BANK1: variants seen among roughly 807,000 people sequenced by gnomAD.
BANK1 encodes B-cell scaffold protein with ankyrin repeats.
In BANK1, 95 loss-of-function variants were observed where a neutral mutation model predicts 94.5. That is an observed-to-expected ratio of 1.00 (90% CI 0.85 to 1.19). BANK1 has a LOEUF of 1.19. Among genes scored for constraint, BANK1 ranks in the 50% most tolerant of loss-of-function variants. The pLI is 0.00. For synonymous variants in BANK1, 334 were observed against 308.4 expected, an observed-to-expected ratio of 1.08 and a Z score of -0.87; for missense variants, 987 against 932.2, an observed-to-expected ratio of 1.06 and a Z score of -0.77.
intron 7 of BANK1, among the ~76,000 whole-genome samples, chr4:102,019,066 G>T (rs1726809333): frequency 6.6e-6 from 1 of 151,886 alleles, no homozygotes; most frequent in Non-Finnish European, 1.5e-5. Flanking sequence ...AATCCACCAT[G>T]CCTGGCCTGC....
intron 9 of BANK1, among the ~76,000 whole-genome samples, chr4:102,026,604 G>A (rs932533461): frequency 1.3e-5 from 2 of 152,020 alleles, no homozygotes; most frequent in South Asian, 2.1e-4. Flanking sequence ...CGAGGCAGGC[G>A]ATTCACCTGA....
chr4:101,835,462 ACTT>A (rs1351637176), intron 2 of BANK1, among the ~76,000 whole-genome samples: 4 of 152,140 alleles, frequency 2.6e-5, no homozygotes, highest in Non-Finnish European at 5.9e-5. Flanking sequence ...AACAGGAAAA[ACTT>A]CTCTTTCTTG....
At chr4:101,877,035 G>C (rs11736568) in intron 5 of BANK1, among the ~76,000 whole-genome samples, 1 of 151,456 alleles carries the variant, frequency 6.6e-6, no homozygotes, top group Non-Finnish European at 1.5e-5. Context: ...GAAACCATCA[G>C]GCACACTTAT....
At chr4:101,825,209 A>G (rs1403037997) in intron 1 of BANK1, among the ~76,000 whole-genome samples, 4 of 152,134 alleles carry the variant, frequency 2.6e-5, no homozygotes, top group Non-Finnish European at 5.9e-5. Context: ...GAAATTTTAT[A>G]TTTCTGTGCT....
In BANK1 at chr4:101,996,039, G is replaced by A. The variant is rs117371094; in HGVS notation, c.1207-25475G>A. ...CTTTGCCCATACCTATGTCCTGCAG[G>A]GTATTGCCTAGGTTTTCTTCTGGGG... On this transcript the variant is annotated intron_variant, in intron 7 of 16. Transcript: ENST00000322953. Among the ~76,000 whole-genome samples the A allele has an allele frequency of 4.6e-3, 702 of 151,954 alleles. 14 individuals are homozygous for A. In the East Asian group the frequency reaches 0.056, roughly 12 times the overall value.
chr4:101,997,713 G>A (rs1392776088), intron 7 of BANK1, among the ~76,000 whole-genome samples: 3 of 152,118 alleles, frequency 2.0e-5, no homozygotes, highest in African/African-American at 7.2e-5. Flanking sequence ...TTGCATAGAG[G>A]TGTTTATAGT....
chr4:102,050,480 T>C (rs1382867147), intron 11 of BANK1, among the ~76,000 whole-genome samples: 1 of 152,166 alleles, frequency 6.6e-6, no homozygotes, highest in Admixed American at 6.6e-5. Flanking sequence ...TAATCAGCAA[T>C]AATCTCAAAA....
intron 7 of BANK1, among the ~76,000 whole-genome samples, chr4:101,942,925 A>T (rs1247076054): frequency 6.6e-6 from 1 of 151,882 alleles, no homozygotes; most frequent in Admixed American, 6.6e-5. Context: ...TGACATGATA[A>T]TCTGGTATGA....
chr4:102,066,256 CT>C (rs35912776), intron 13 of BANK1, among the ~76,000 whole-genome samples: 43,906 of 143,786 alleles, frequency 0.31, 7,388 homozygotes, highest in South Asian at 0.43. Flanking sequence ...ACAATAACAT[CT>C]TTTTTTTTTT....
At chr4:101,800,684 T>C (rs1043346705) in intron 1 of BANK1, among the ~76,000 whole-genome samples, 1 of 152,224 alleles carries the variant, frequency 6.6e-6, no homozygotes, top group East Asian at 1.9e-4. Flanking sequence ...TAAAAACACA[T>C]TCAAACAGGT....
rs182595007 is a variant in BANK1 at position 101,890,723 on chromosome 4, T to C, written c.904-4582T>C. Among the ~76,000 whole-genome samples the C allele has an allele frequency of 4.1e-3, 616 of 150,746 alleles. 4 individuals are homozygous for C. Among genetic ancestry groups the C allele is most frequent in the African/African-American group, 0.014 (561 of 41,364 alleles). On this transcript the variant is annotated intron_variant, in intron 5 of 16. Coordinates refer to ENST00000322953, the MANE Select transcript of BANK1 (RefSeq NM_017935.5). ...TTTTCTCTGTTTTCATTTGTTATTT[T>C]TTTTTTCTTGCTTTCCTGTGTGTTA...
At chr4:101,997,068 G>C (rs1725903512) in intron 7 of BANK1, among the ~76,000 whole-genome samples, 1 of 152,100 alleles carries the variant, frequency 6.6e-6, no homozygotes, top group African/African-American at 2.4e-5. Context: ...CTGTGTGTTT[G>C]TCATAAATAG....
intron 2 of BANK1, 29 bp from the exon 3 acceptor site, chr4:101,855,006 A>T (rs1480998300): frequency 6.4e-7 from 1 of 1,550,678 alleles, no homozygotes; most frequent in Admixed American, 1.7e-5. Context: ...TAGTTATATT[A>T]TAATCTACAT....
At chr4:101,952,523 A>G (rs188150087) in intron 7 of BANK1, among the ~76,000 whole-genome samples, 1 of 152,294 alleles carries the variant, frequency 6.6e-6, no homozygotes, top group East Asian at 1.9e-4. Flanking sequence ...TGTTACAATG[A>G]TCATAGTTAT....
intron 6 of BANK1, among the ~76,000 whole-genome samples, chr4:101,917,242 TA>T (rs1722857000): frequency 6.6e-6 from 1 of 152,052 alleles, no homozygotes; most frequent in African/African-American, 2.4e-5. Context: ...GTAATTTCTA[TA>T]ACTTTTTCTC....
chr4:101,955,423 G>A (rs1338438576), intron 7 of BANK1, among the ~76,000 whole-genome samples: 1 of 151,824 alleles, frequency 6.6e-6, no homozygotes, highest in Non-Finnish European at 1.5e-5. Flanking sequence ...GTGCAGTTTA[G>A]ATGCCCTTCC....
At chr4:101,943,882 G>A (rs115958766) in intron 7 of BANK1, among the ~76,000 whole-genome samples, 3,948 of 151,994 alleles carry the variant, frequency 0.026, 176 homozygotes, top group African/African-American at 0.091. Context: ...ATTCTTGAGA[G>A]ATAGGTACTT....
intron 5 of BANK1, among the ~76,000 whole-genome samples, chr4:101,872,849 A>G (rs899805329): frequency 1.3e-5 from 2 of 152,052 alleles, no homozygotes; most frequent in Admixed American, 6.6e-5. Flanking sequence ...TTAGCCGAGC[A>G]TGGTGATGTA....
At chr4:101,898,880 A>C (rs1483502321) in intron 6 of BANK1, among the ~76,000 whole-genome samples, 1 of 152,132 alleles carries the variant, frequency 6.6e-6, no homozygotes, top group African/African-American at 2.4e-5. Context: ...ATACATAACA[A>C]ATAATATTCT....
Sources: gnomAD v4.1 joint callset for allele counts (sites outside exome capture counted in the v4.1 genomes callset) on GRCh38, gnomAD v4.1.1 for gene constraint, MANE v1.5 for transcripts, NCBI Gene and HGNC (gene_info 2026-07-23, HGNC 2026-07-21) for gene names.